The following HDAC1 variants were observed in gnomAD, a reference collection of about 807,000 sequenced individuals.
HDAC1 encodes the protein protein deacetylase HDAC1.
Under a neutral mutation model 65.5 loss-of-function variants are expected in HDAC1, and 18 were observed. The ratio of observed to expected loss-of-function variants is 0.27; its 90% CI spans 0.19 to 0.41. The LOEUF is 0.41. HDAC1 is among the 10% of genes least tolerant of loss of function. The pLI, the probability that HDAC1 is intolerant of heterozygous loss-of-function variation, is 1.00. For missense variants in HDAC1, 373 were observed against 625.2 expected, an observed-to-expected ratio of 0.60 and a Z score of 4.30; for synonymous variants, 211 against 227.9, an observed-to-expected ratio of 0.93 and a Z score of 0.67.
Position 32,331,097 on chromosome 1 carries a change from C to G in HDAC1, c.979+189C>G, listed in dbSNP as rs981578270. Among the ~76,000 whole-genome samples the G allele has an allele frequency of 6.6e-6, 1 of 152,120 alleles. No homozygotes were observed. The highest frequency in any genetic ancestry group is 2.4e-5 in the African/African-American group (1 of 41,412). ...ACTTTTTCCCTAGTCCTTTTTAGCT[C>G]TCTCCCCTCTCCCTCCTGCTTTTGG... On this transcript the variant is annotated intron_variant, in intron 9 of 13. Transcript: ENST00000373548. This position sits in a 1 kb window ranked among gnomAD's most constrained non-coding sequence, Gnocchi z 4.2.
intron 2 of HDAC1, among the ~76,000 whole-genome samples, chr1:32,303,496 G>T (rs1468211877): frequency 1.3e-5 from 2 of 151,976 alleles, no homozygotes; most frequent in African/African-American, 2.4e-5. Context: ...AAAATTTAAT[G>T]CCTAAATAAG....
intron 2 of HDAC1, among the ~76,000 whole-genome samples, chr1:32,315,540 A>C (rs79310510): frequency 0.027 from 4,067 of 151,116 alleles, 180 homozygotes; most frequent in African/African-American, 0.093. Context: ...TTTAGTAGAG[A>C]CCAGATTTCA....
At position 32,306,415 on chromosome 1, in the gene HDAC1, C is replaced by T. The variant is rs56983752; in HGVS notation, c.162+3682C>T. ...TCAGGTGATCCGCCCGCCTTGGCCT[C>T]GCAAAGTCCTGGGATTACATGTGTG... On this transcript the variant is annotated intron_variant, in intron 2 of 13. Transcript: ENST00000373548. 9.2e-3 allele frequency among the ~76,000 whole-genome samples: 1,394 copies of T among 152,088 alleles called. 16 individuals carry two copies. The highest frequency in any genetic ancestry group is 0.033 in the African/African-American group (1,357 of 41,490).
chr1:32,303,410 A>T (rs1009512175), intron 2 of HDAC1, among the ~76,000 whole-genome samples: 11 of 152,250 alleles, frequency 7.2e-5, no homozygotes, highest in African/African-American at 2.6e-4. Context: ...GTGAGCCGTG[A>T]TTGCACCACT....
intron 3 of HDAC1, among the ~76,000 whole-genome samples, chr1:32,321,622 C>A (rs1279513447): frequency 6.6e-6 from 1 of 152,166 alleles, no homozygotes; most frequent in Non-Finnish European, 1.5e-5. Flanking sequence ...ACATGAGTAT[C>A]TGCTCTTCCA....
chr1:32,297,038 A>C (rs1045382642), intron 1 of HDAC1, among the ~76,000 whole-genome samples: 1 of 152,116 alleles, frequency 6.6e-6, no homozygotes, highest in Non-Finnish European at 1.5e-5. Context: ...CCTTTTCCTG[A>C]GGGTGGGGTA....
intron 4 of HDAC1, 143 bp downstream of exon 4, chr1:32,324,696 G>T (rs1265528888): frequency 1.5e-6 from 1 of 673,920 alleles, no homozygotes; most frequent in African/African-American, 1.8e-5. Context: ...AATGGCTGGT[G>T]TAGTGTCTCA....
Position 32,330,425 on chromosome 1 carries a change from G to C in HDAC1, c.730-153G>C. On this transcript the variant is annotated intron_variant, in intron 7 of 13. Transcript: ENST00000373548. This position sits in a 1 kb window ranked among gnomAD's most constrained non-coding sequence, Gnocchi z 4.2. ...ATTGAAATCCCAAGTGGGCAAGCAA[G>C]GGCTCCAGCCTAGCACTCCCTTTTC... is the stretch of plus-strand genomic sequence containing the variant. 1 of 664,538 alleles carries C rather than the reference G, an allele frequency of 1.5e-6. No individual in the cohort carries two copies. The highest frequency in any genetic ancestry group is 2.5e-5 in the Admixed American group (1 of 40,646). 41.2% of individuals were successfully genotyped at this position (664,538 alleles called of 1,614,324 possible). A position where few individuals can be genotyped will look rare whatever the true frequency, so the allele number is the denominator to read the frequency against.
In HDAC1 at chr1:32,292,577, A is replaced by G. The variant is rs772332946; in HGVS notation, c.49+359A>G. 2.3e-4 allele frequency: 82 copies of G among 364,056 alleles called. 1 individual carries two copies. Among genetic ancestry groups the G allele is most frequent in the Non-Finnish European group, 2.8e-4 (73 of 262,332 alleles). The allele number at this position is 364,056 out of a possible 1,614,324, so 22.6% of individuals were successfully genotyped here. On this transcript the variant is annotated intron_variant, in intron 1 of 13. Coordinates refer to ENST00000373548, the MANE Select transcript of HDAC1 (RefSeq NM_004964.3). ...GATACATTTTCTTGCCGAGAACCCA[A>G]AGCTCTTCCCTGCCCCGTCCCTTCC...
rs1297052250 is a variant in HDAC1, at chr1:32,292,142, C to G, written c.-28C>G. ...GCGGGCGGGAGGGCGGACGGACCGA[C>G]TGACGGTAGGGACGGGAGGCGAGCA... is the stretch of plus-strand genomic sequence containing the variant. On this transcript the variant is annotated 5_prime_UTR_variant, in exon 1 of 14. Coordinates refer to ENST00000373548, the MANE Select transcript of HDAC1 (RefSeq NM_004964.3). 12 of 1,547,054 alleles carry G rather than the reference C, an allele frequency of 7.8e-6. No individual in the cohort carries two copies. Among genetic ancestry groups the G allele is most frequent in the Non-Finnish European group, 1.0e-5 (12 of 1,145,790 alleles).
intron 3 of HDAC1, among the ~76,000 whole-genome samples, chr1:32,320,555 C>T (rs1344498539): frequency 6.6e-6 from 1 of 152,086 alleles, no homozygotes; most frequent in Non-Finnish European, 1.5e-5. Context: ...CAGAATGGAA[C>T]TCTAGTCCCC....
At chr1:32,306,422 T>A (rs1347477476) in intron 2 of HDAC1, among the ~76,000 whole-genome samples, 2 of 152,080 alleles carry the variant, frequency 1.3e-5, no homozygotes, top group Non-Finnish European at 2.9e-5. Flanking sequence ...CCTCGCAAAG[T>A]CCTGGGATTA....
Position 32,329,112 on chromosome 1 carries a change from G to A in HDAC1, c.681G>A (p.Pro227=), listed in dbSNP as rs202153991. 1.0e-4 allele frequency: 162 copies of A among 1,613,142 alleles called. No homozygotes were observed. The Admixed American group carries it at 1.7e-3, about 17-fold the overall frequency. The change falls in exon 7 of 14, where the codon CCG becomes CCA. Residue 227 remains proline (P), a synonymous_variant. Transcript: ENST00000373548. This position sits in a 1 kb window ranked among gnomAD's most constrained non-coding sequence, Gnocchi z 4.1. ...GKGKYYAVNY[P]LRDGIDDESY... ...GCAAGTATTATGCTGTTAACTACCC[G>A]CTCCGAGACGGGATTGATGACGAGT...
intron 2 of HDAC1, among the ~76,000 whole-genome samples, chr1:32,309,352 G>C (rs1490487689): frequency 1.3e-5 from 2 of 152,094 alleles, no homozygotes; most frequent in Non-Finnish European, 2.9e-5. Context: ...CTTTTTGGGG[G>C]AATTGGCTTT....
At chr1:32,321,999 A>T (rs547338109) in intron 3 of HDAC1, among the ~76,000 whole-genome samples, 1 of 152,300 alleles carries the variant, frequency 6.6e-6, no homozygotes, top group South Asian at 2.1e-4. Flanking sequence ...CTTCTTCCTC[A>T]GAGCACCGGA....
At chr1:32,305,325 C>T (rs1219829276) in intron 2 of HDAC1, among the ~76,000 whole-genome samples, 1 of 152,108 alleles carries the variant, frequency 6.6e-6, no homozygotes. Flanking sequence ...TCTCTTGATG[C>T]ATATATGCTA....
chr1:32,322,294 T>C (rs10465520), intron 3 of HDAC1, among the ~76,000 whole-genome samples: 5,813 of 151,500 alleles, frequency 0.038, 342 homozygotes, highest in African/African-American at 0.13. Flanking sequence ...TTTTTTCTCC[T>C]GAGATGGAGT....
rs558009797 is a variant in HDAC1, at chr1:32,311,326, G to A, written c.163-5339G>A. Among the ~76,000 whole-genome samples, 47 of 152,154 alleles carry A rather than the reference G, an allele frequency of 3.1e-4. No homozygotes were observed. In the South Asian group the frequency reaches 9.6e-3, roughly 31 times the overall value. On this transcript the variant is annotated intron_variant, in intron 2 of 13. Coordinates refer to ENST00000373548, the MANE Select transcript of HDAC1 (RefSeq NM_004964.3). The stretch of plus-strand genomic sequence containing the variant: ...CTACTAAAAATACAAAAATTAGCCG[G>A]GCGTGGTCGCGGGTGCCTGTAATCC...
intron 2 of HDAC1, among the ~76,000 whole-genome samples, chr1:32,305,176 A>G (rs1361345219): frequency 1.3e-5 from 2 of 152,146 alleles, no homozygotes; most frequent in Non-Finnish European, 2.9e-5. Context: ...ACCCATGTTG[A>G]TACCTGTAGC....
Sources: allele counts gnomAD v4.1 joint callset (sites outside exome capture counted in the v4.1 genomes callset), GRCh38; gene constraint gnomAD v4.1.1; non-coding constraint Gnocchi (gnomAD v3.1); transcripts MANE v1.5; gene names NCBI Gene and HGNC (gene_info 2026-07-23, HGNC 2026-07-21).